Variants in IL1RAPL2 observed in about 807,000 individuals in gnomAD.
The protein encoded by IL1RAPL2 is interleukin 1 receptor accessory protein like 2.
IL1RAPL2 carries 3 observed loss-of-function variants against 44.1 expected under a neutral mutation model. The ratio of observed to expected loss-of-function variants is 0.07; its 90% CI spans 0.03 to 0.18. The LOEUF is 0.18. Among genes scored for constraint, IL1RAPL2 ranks in the 10% least tolerant of loss-of-function variants. IL1RAPL2 has a pLI of 1.00. For synonymous variants in IL1RAPL2, 181 were observed against 178.8 expected (o/e 1.01, Z -0.10); for missense variants, 391 against 496.4 (o/e 0.79, Z 2.02).
In IL1RAPL2 at chrX:104,928,821, T is replaced by C. The variant is rs188898769; in HGVS notation, c.83-266654T>C. ...AATAATGGGGAAAAATTGGGCTTCT[T>C]TGTGTGGGTTTGTAAGGTGGTGTGA... On this transcript the variant is annotated intron_variant, in intron 2 of 10. Coordinates refer to ENST00000372582, the MANE Select transcript of IL1RAPL2 (RefSeq NM_017416.2). Among the ~76,000 whole-genome samples the C allele has an allele frequency of 5.4e-5, 6 of 111,132 alleles. No homozygotes were observed. The Admixed American group carries it at 5.8e-4, about 11-fold the overall frequency.
intron 5 of IL1RAPL2, among the ~76,000 whole-genome samples, chrX:105,309,000 A>C (rs1471519765): frequency 1.8e-5 from 2 of 110,766 alleles, no homozygotes; most frequent in Non-Finnish European, 3.8e-5. Context: ...GAAAGAGGGT[A>C]TCTCATTCTG....
chrX:105,607,635 C>CAA (rs11377516), intron 6 of IL1RAPL2, among the ~76,000 whole-genome samples: 956 of 15,667 alleles, frequency 0.061, 150 homozygotes, highest in African/African-American at 0.13. Context: ...ATTCAGCAGA[C>CAA]AAAAAAAAAA....
intron 3 of IL1RAPL2, among the ~76,000 whole-genome samples, chrX:105,229,456 T>C (rs1418068259): frequency 9.0e-6 from 1 of 111,634 alleles, no homozygotes; most frequent in Non-Finnish European, 1.9e-5. Context: ...TTTGTCAGCA[T>C]CTATTCACAT....
At chrX:105,039,172 C>G (rs2031677931) in intron 2 of IL1RAPL2, among the ~76,000 whole-genome samples, 1 of 111,387 alleles carries the variant, frequency 9.0e-6, no homozygotes, top group South Asian at 3.8e-4. Flanking sequence ...CAAACATTAG[C>G]AAGAGAAAAT....
At chrX:104,888,316 GAGTC>G (rs917532752) in intron 2 of IL1RAPL2, among the ~76,000 whole-genome samples, 1 of 104,644 alleles carries the variant, frequency 9.6e-6, no homozygotes, top group African/African-American at 3.8e-5. Context: ...GACAAAGAGG[GAGTC>G]AGAGAGAGAG....
At chrX:105,187,960 T>C (rs112494619) in intron 2 of IL1RAPL2, among the ~76,000 whole-genome samples, 5 of 111,711 alleles carry the variant, frequency 4.5e-5, no homozygotes, top group African/African-American at 1.6e-4. Flanking sequence ...AGAAACATCA[T>C]GTCATATATC....
intron 1 of IL1RAPL2, among the ~76,000 whole-genome samples, chrX:104,642,275 A>G (rs1408107966): frequency 8.9e-6 from 1 of 111,949 alleles, no homozygotes; most frequent in Non-Finnish European, 1.9e-5. Context: ...TCGTTCTTCT[A>G]AGTGGAGGAA....
At chrX:105,195,781 A>G in intron 3 of IL1RAPL2, 33 bp downstream of exon 3, 1 of 1,189,043 alleles carries the variant, frequency 8.4e-7, no homozygotes, top group Non-Finnish European at 1.1e-6. Context: ...GCCCAATCAC[A>G]TGGCTGATAG....
intron 5 of IL1RAPL2, among the ~76,000 whole-genome samples, chrX:105,482,376 A>G (rs2036238681): frequency 8.9e-6 from 1 of 112,126 alleles, no homozygotes; most frequent in South Asian, 3.7e-4. Context: ...TATTTATGAA[A>G]TGAAGACTAG....
intron 2 of IL1RAPL2, among the ~76,000 whole-genome samples, chrX:104,681,601 T>G (rs1366138074): frequency 8.8e-6 from 1 of 113,005 alleles, no homozygotes; most frequent in Admixed American, 9.3e-5. Context: ...GAGAAATAGA[T>G]GATTTGAGAT....
chrX:105,512,509 C>T (rs1029200284), intron 6 of IL1RAPL2, among the ~76,000 whole-genome samples: 14 of 111,485 alleles, frequency 1.3e-4, no homozygotes, highest in African/African-American at 4.6e-4. Flanking sequence ...TGTCTTTTCC[C>T]TAATTTGTGA....
intron 2 of IL1RAPL2, among the ~76,000 whole-genome samples, chrX:104,872,718 T>A (rs1177015656): frequency 1.8e-5 from 2 of 111,538 alleles, no homozygotes; most frequent in African/African-American, 6.5e-5. Flanking sequence ...AGCCAATTAA[T>A]AGATATAAAA....
intron 2 of IL1RAPL2, among the ~76,000 whole-genome samples, chrX:105,191,363 C>G (rs1204779410): frequency 8.9e-6 from 1 of 111,849 alleles, no homozygotes; most frequent in African/African-American, 3.3e-5. Flanking sequence ...TACAGGCATG[C>G]GCCAACATGC....
At chrX:104,886,294 G>A (rs1291009616) in intron 2 of IL1RAPL2, among the ~76,000 whole-genome samples, 4 of 111,898 alleles carry the variant, frequency 3.6e-5, no homozygotes, top group Non-Finnish European at 7.5e-5. Context: ...TTACCCATTT[G>A]TTGTCCCCTA....
intron 2 of IL1RAPL2, among the ~76,000 whole-genome samples, chrX:104,825,979 C>G (rs938540255): frequency 2.7e-5 from 3 of 111,802 alleles, no homozygotes; most frequent in African/African-American, 9.8e-5. Flanking sequence ...TGGTCCTTGA[C>G]TGAAACAGCT....
chrX:104,765,944 A>G (rs1932545036), intron 2 of IL1RAPL2, among the ~76,000 whole-genome samples: 1 of 112,327 alleles, frequency 8.9e-6, no homozygotes, highest in Admixed American at 9.4e-5. Flanking sequence ...AATTATTTCA[A>G]AACTCTATCA....
intron 6 of IL1RAPL2, among the ~76,000 whole-genome samples, chrX:105,498,626 T>C (rs1423415987): frequency 9.0e-6 from 1 of 111,588 alleles, no homozygotes; most frequent in African/African-American, 3.3e-5. Context: ...CCTCAAACTT[T>C]CTGACTTCAA....
chrX:104,851,308 A>G (rs1922219429), intron 2 of IL1RAPL2, among the ~76,000 whole-genome samples: 1 of 112,109 alleles, frequency 8.9e-6, no homozygotes, highest in African/African-American at 3.2e-5. Context: ...AAATATTAAA[A>G]CAGGCACAAA....
chrX:105,058,056 C>T (rs1357310176), intron 2 of IL1RAPL2, among the ~76,000 whole-genome samples: 2 of 108,651 alleles, frequency 1.8e-5, no homozygotes, highest in South Asian at 4.1e-4. Flanking sequence ...TCACGCCATT[C>T]TCCTGCCTCA....
Sources: gnomAD v4.1 joint callset for allele counts (sites outside exome capture counted in the v4.1 genomes callset) on GRCh38, gnomAD v4.1.1 for gene constraint, MANE v1.5 for transcripts, NCBI Gene and HGNC (gene_info 2026-07-23, HGNC 2026-07-21) for gene names.